RAD51B: variants seen among roughly 807,000 people sequenced by gnomAD.
RAD51B encodes RAD51 paralog B.
A neutral mutation model predicts 42.2 loss-of-function variants in RAD51B; 38 were observed. That is an observed-to-expected ratio of 0.90 (90% confidence interval 0.70 to 1.18). The LOEUF (loss-of-function observed/expected upper bound fraction) is 1.18, where lower values mean the gene tolerates loss of function less well. Ranked by LOEUF, RAD51B falls within the 50% of genes most tolerant of loss-of-function variation. RAD51B has a pLI of 0.00. For synonymous variants in RAD51B, 154 were observed against 145.2 expected (o/e 1.06, Z -0.43); for missense variants, 373 against 400.7 (o/e 0.93, Z 0.59).
chr14:68,670,447 T>C (rs908596812), intron 11 of RAD51B, among the ~76,000 whole-genome samples: 1 of 152,168 alleles, frequency 6.6e-6, no homozygotes, highest in Non-Finnish European at 1.5e-5. Context: ...CTCCCTTACA[T>C]TTGCTTCTTG....
intron 7 of RAD51B, among the ~76,000 whole-genome samples, chr14:68,021,295 G>A (rs927993014): frequency 3.3e-5 from 5 of 152,166 alleles, no homozygotes; most frequent in Non-Finnish European, 5.9e-5. Context: ...GCCTTCACAC[G>A]AGGATCAGAT....
chr14:67,927,275 A>T (rs1193133420), intron 7 of RAD51B, among the ~76,000 whole-genome samples: 3 of 152,186 alleles, frequency 2.0e-5, no homozygotes, highest in South Asian at 2.1e-4. Flanking sequence ...AGTTTGCTGC[A>T]TGCATAGAAT....
chr14:68,280,164 A>G (rs2081294991), intron 7 of RAD51B, among the ~76,000 whole-genome samples: 1 of 152,232 alleles, frequency 6.6e-6, no homozygotes. Flanking sequence ...CTGAAGACTC[A>G]GTGTTTCCAA....
At chr14:68,176,956 T>C (rs967617894) in intron 7 of RAD51B, among the ~76,000 whole-genome samples, 16 of 152,160 alleles carry the variant, frequency 1.1e-4, no homozygotes, top group African/African-American at 3.9e-4. Context: ...AGAGATCTGC[T>C]CTAAATCACT....
intron 7 of RAD51B, among the ~76,000 whole-genome samples, chr14:68,200,093 C>G (rs1348633723): frequency 6.6e-6 from 1 of 152,132 alleles, no homozygotes; most frequent in Non-Finnish European, 1.5e-5. Context: ...CGCATGACAG[C>G]AGCAGAGGAA....
intron 10 of RAD51B, among the ~76,000 whole-genome samples, chr14:68,645,887 T>G (rs1892554898): frequency 6.6e-6 from 1 of 151,952 alleles, no homozygotes; most frequent in South Asian, 2.1e-4. Flanking sequence ...TGCTGCATTT[T>G]TGGTTATTTA....
intron 10 of RAD51B, among the ~76,000 whole-genome samples, chr14:68,624,306 AC>A (rs1255485023): frequency 6.6e-6 from 1 of 151,970 alleles, no homozygotes; most frequent in Non-Finnish European, 1.5e-5. Flanking sequence ...AAGGGCAGTC[AC>A]CCCCTCTCAG....
intron 8 of RAD51B, among the ~76,000 whole-genome samples, chr14:68,363,703 C>T (rs1276041418): frequency 6.6e-6 from 1 of 152,180 alleles, no homozygotes; most frequent in East Asian, 1.9e-4. Flanking sequence ...TGCATACATG[C>T]GATGCTGTAA....
rs1009075633 is a variant in RAD51B at position 68,658,808 on chromosome 14, C to T, written c.*11+7952C>T. On this transcript the variant is annotated intron_variant, in intron 11 of 11. Transcript: ENST00000488612. ...TGGAGCATGCATTGTTACATCATTT[C>T]ATCCTCACTACAACTCTGTGAAGCA... Among the ~76,000 whole-genome samples, 5 of 152,312 alleles carry T rather than the reference C, an allele frequency of 3.3e-5. No homozygotes were observed. The East Asian group carries it at 9.6e-4, about 29-fold the overall frequency.
At chr14:67,910,593 C>CT (rs995537877) in intron 7 of RAD51B, among the ~76,000 whole-genome samples, 5 of 150,778 alleles carry the variant, frequency 3.3e-5, no homozygotes, top group East Asian at 1.9e-4. Flanking sequence ...TGCCTTTTAA[C>CT]TTTTTTTTTA....
intron 7 of RAD51B, among the ~76,000 whole-genome samples, chr14:68,247,375 A>G (rs1224171017): frequency 6.6e-6 from 1 of 152,210 alleles, no homozygotes. Context: ...ACAACTTGTC[A>G]TCATAGAACT....
At chr14:67,940,782 G>GAA (rs146542484) in intron 7 of RAD51B, among the ~76,000 whole-genome samples, 84 of 148,360 alleles carry the variant, frequency 5.7e-4, no homozygotes, top group African/African-American at 1.8e-3. Flanking sequence ...GTATCAGTAG[G>GAA]AAAAAAAAAA....
intron 7 of RAD51B, among the ~76,000 whole-genome samples, chr14:68,219,460 C>G (rs193094879): frequency 6.6e-6 from 1 of 152,282 alleles, no homozygotes; most frequent in East Asian, 1.9e-4. Flanking sequence ...GCTACCTCCA[C>G]TGGAGCAGGT....
At chr14:67,875,793 G>T (rs1234454820) in intron 5 of RAD51B, among the ~76,000 whole-genome samples, 1 of 152,140 alleles carries the variant, frequency 6.6e-6, no homozygotes, top group Non-Finnish European at 1.5e-5. Context: ...TATAAAATTG[G>T]AGGCATAGCA....
intron 8 of RAD51B, among the ~76,000 whole-genome samples, chr14:68,319,924 T>C: frequency 6.6e-6 from 1 of 152,200 alleles, no homozygotes; most frequent in Non-Finnish European, 1.5e-5. Flanking sequence ...AGACAGATAC[T>C]GTTATCTCCA....
chr14:68,602,488 TGATG>T (rs1054389825), intron 10 of RAD51B, among the ~76,000 whole-genome samples: 18 of 145,600 alleles, frequency 1.2e-4, no homozygotes, highest in Admixed American at 1.2e-3. Flanking sequence ...GGTGGATGGA[TGATG>T]GATGGATGGA....
At chr14:68,457,955 G>GA (rs1376755006) in intron 9 of RAD51B, among the ~76,000 whole-genome samples, 2,499 of 105,692 alleles carry the variant, frequency 0.024, 41 homozygotes, top group Admixed American at 0.062. Flanking sequence ...AAAGTTCACT[G>GA]AAAAAAAAAA....
At chr14:68,152,105 A>G (rs1402700869) in intron 7 of RAD51B, among the ~76,000 whole-genome samples, 3 of 152,054 alleles carry the variant, frequency 2.0e-5, no homozygotes, top group African/African-American at 7.2e-5. Flanking sequence ...TGGCCTCCCA[A>G]AGTGCTGGGA....
chr14:67,820,705 A>T (rs2040597823), intron 1 of RAD51B, among the ~76,000 whole-genome samples: 1 of 152,130 alleles, frequency 6.6e-6, no homozygotes, highest in African/African-American at 2.4e-5. Flanking sequence ...GGGAGACAGG[A>T]TGCGTGACCT....
Sources: gnomAD v4.1 joint callset for allele counts (sites outside exome capture counted in the v4.1 genomes callset) on GRCh38, gnomAD v4.1.1 for gene constraint, MANE v1.5 for transcripts, NCBI Gene and HGNC (gene_info 2026-07-23, HGNC 2026-07-21) for gene names.